Variants in SPACA7 observed in about 807,000 individuals in gnomAD.
The protein encoded by SPACA7 is sperm acrosome associated 7.
SPACA7 carries 19 observed loss-of-function variants against 26.3 expected under a neutral mutation model. The observed-to-expected ratio is 0.72, with a 90% CI of 0.50 to 1.06. The LOEUF (loss-of-function observed/expected upper bound fraction) is 1.06, where lower values mean the gene tolerates loss of function less well. Ranked by LOEUF, SPACA7 falls within the 50% of genes least tolerant of loss-of-function variation. SPACA7 has a pLI of 0.00. For missense variants in SPACA7, 211 were observed against 229.9 expected (o/e 0.92, Z 0.53); for synonymous variants, 84 against 84.5 (o/e 0.99, Z 0.04).
chr13:112,382,583 G>A, intron 1 of SPACA7: 1 of 1,505,202 alleles, frequency 6.6e-7, no homozygotes, highest in Non-Finnish European at 8.9e-7. Context: ...GGCTTGTGTG[G>A]TAAAAACATT....
chr13:112,378,877 G>A (rs1883865781), intron 1 of SPACA7: 1 of 362,572 alleles, frequency 2.8e-6, no homozygotes, highest in Non-Finnish European at 5.7e-6. Flanking sequence ...CTGTTGCAAG[G>A]AGAATCAATT....
intron 1 of SPACA7, 83 bp downstream of exon 1, chr13:112,376,562 T>A: frequency 7.0e-7 from 1 of 1,419,642 alleles, no homozygotes; most frequent in Non-Finnish European, 9.6e-7. Flanking sequence ...GGGTTCCTCT[T>A]ATTCCCAACC....
chr13:112,386,089 G>A (rs1884506823), intron 1 of SPACA7, among the ~76,000 whole-genome samples: 1 of 152,238 alleles, frequency 6.6e-6, no homozygotes, highest in Non-Finnish European at 1.5e-5. Context: ...AGTACTACGG[G>A]AGAAGACAGT....
chr13:112,431,986 G>A (rs1158507889), intron 5 of SPACA7, among the ~76,000 whole-genome samples: 1 of 152,188 alleles, frequency 6.6e-6, no homozygotes, highest in Non-Finnish European at 1.5e-5. Context: ...TGGTAGAAAG[G>A]GCTGGCCACG....
intron 5 of SPACA7, among the ~76,000 whole-genome samples, chr13:112,430,431 T>G (rs1353162046): frequency 6.6e-6 from 1 of 152,260 alleles, no homozygotes; most frequent in African/African-American, 2.4e-5. Context: ...CACTGTTTCA[T>G]GTATTTTTTC....
intron 5 of SPACA7, among the ~76,000 whole-genome samples, chr13:112,414,990 T>C (rs1268637068): frequency 6.6e-6 from 1 of 152,194 alleles, no homozygotes; most frequent in Non-Finnish European, 1.5e-5. Context: ...GACTGACTGT[T>C]GAGTTCCCTA....
chr13:112,403,347 A>C (rs1387722634), intron 5 of SPACA7, among the ~76,000 whole-genome samples: 2 of 151,924 alleles, frequency 1.3e-5, no homozygotes, highest in Non-Finnish European at 2.9e-5. Flanking sequence ...TTGTTTTGTA[A>C]ATTTATGCTT....
chr13:112,383,097 AGAAG>A (rs1566452690), intron 1 of SPACA7, among the ~76,000 whole-genome samples: 1 of 45,404 alleles, frequency 2.2e-5, no homozygotes, highest in Non-Finnish European at 4.4e-5. Context: ...AAAGAAAGAA[AGAAG>A]AAAGAAAAGA....
chr13:112,433,650 T>G (rs1351466870), intron 6 of SPACA7, among the ~76,000 whole-genome samples: 1 of 149,834 alleles, frequency 6.7e-6, no homozygotes, highest in Non-Finnish European at 1.5e-5. Context: ...CTGCATGAGT[T>G]GTCATCGAGC....
intron 1 of SPACA7, among the ~76,000 whole-genome samples, chr13:112,384,559 A>C (rs1027621044): frequency 5.3e-5 from 8 of 152,188 alleles, no homozygotes; most frequent in Non-Finnish European, 1.2e-4. Flanking sequence ...GACAAAATTT[A>C]TAATTTGATT....
At chr13:112,403,489 T>C (rs1055965193) in intron 5 of SPACA7, among the ~76,000 whole-genome samples, 2 of 152,146 alleles carry the variant, frequency 1.3e-5, no homozygotes, top group African/African-American at 4.8e-5. Flanking sequence ...ATAAGTTCTT[T>C]AGGGGTGATT....
intron 1 of SPACA7, among the ~76,000 whole-genome samples, chr13:112,389,464 A>C (rs1262648795): frequency 6.6e-6 from 1 of 152,238 alleles, no homozygotes; most frequent in South Asian, 2.1e-4. Flanking sequence ...TTTAACAAAC[A>C]GTCTCAAACT....
chr13:112,387,311 A>C (rs1215319364), intron 1 of SPACA7, among the ~76,000 whole-genome samples: 9 of 152,202 alleles, frequency 5.9e-5, no homozygotes, highest in African/African-American at 2.2e-4. Flanking sequence ...AGACAGAAAA[A>C]TTTCATCCAG....
At chr13:112,382,361 G>C (rs1884129455) in intron 1 of SPACA7, 1 of 1,482,286 alleles carries the variant, frequency 6.7e-7, no homozygotes, top group South Asian at 1.3e-5. Context: ...GCCTCCCAAA[G>C]TGCTGGGACT....
chr13:112,383,064 C>A (rs9604307), intron 1 of SPACA7, among the ~76,000 whole-genome samples: 6 of 52,952 alleles, frequency 1.1e-4, no homozygotes, highest in African/African-American at 4.5e-4. Flanking sequence ...AAGAAAGAGA[C>A]AGAAAGAGAA....
intron 5 of SPACA7, among the ~76,000 whole-genome samples, chr13:112,417,012 CT>C (rs144963793): frequency 3.9e-4 from 58 of 149,602 alleles, no homozygotes; most frequent in African/African-American, 4.9e-4. Flanking sequence ...TTGATTTATA[CT>C]TTTTTTTTTC....
intron 4 of SPACA7, among the ~76,000 whole-genome samples, chr13:112,399,658 G>C (rs985737888): frequency 6.6e-6 from 1 of 152,184 alleles, no homozygotes; most frequent in Non-Finnish European, 1.5e-5. Context: ...CCCATGGAGG[G>C]GCAAAATACC....
chr13:112,432,635 T>C, intron 6 of SPACA7, 114 bp downstream of exon 6: 2 of 736,646 alleles, frequency 2.7e-6, no homozygotes, highest in South Asian at 1.7e-5. Flanking sequence ...AGCCCCCAGG[T>C]GGACCTACCT....
chr13:112,420,313 G>T lies in SPACA7; in HGVS notation c.446-12131G>T, dbSNP rs117926232. Among the ~76,000 whole-genome samples the T allele has an allele frequency of 3.4e-3, 524 of 152,294 alleles. 2 individuals are homozygous for T. Among genetic ancestry groups the T allele is most frequent in the Non-Finnish European group, 3.5e-3 (239 of 68,026 alleles). ...AGACAATGATAACTATGATTACTAT[G>T]TTAAATAATCTAGTGGAAAATATGT... On this transcript the variant is annotated intron_variant, in intron 5 of 6. Coordinates refer to ENST00000283550, the MANE Select transcript of SPACA7 (RefSeq NM_145248.5).
Sources: gnomAD v4.1 joint callset for allele counts (sites outside exome capture counted in the v4.1 genomes callset) on GRCh38, gnomAD v4.1.1 for gene constraint, MANE v1.5 for transcripts, NCBI Gene and HGNC (gene_info 2026-07-23, HGNC 2026-07-21) for gene names.